Variants in PCDHA2 observed in about 807,000 individuals in gnomAD.
The protein encoded by PCDHA2 is protocadherin alpha-2.
Under a neutral mutation model 66.0 loss-of-function variants are expected in PCDHA2, and 58 were observed. The observed-to-expected ratio is 0.88, with a 90% CI of 0.71 to 1.09. PCDHA2 has a LOEUF of 1.09. PCDHA2 is among the 50% of genes least tolerant of loss of function. The pLI is 0.00. For missense variants in PCDHA2, 1,267 were observed against 1,242.3 expected (o/e 1.02, Z -0.30); for synonymous variants, 634 against 554.0 (o/e 1.14, Z -2.03).
chr5:140,808,466 G>A, intron 1 of PCDHA2: 1 of 1,614,182 alleles, frequency 6.2e-7, no homozygotes. Context: ...GGTGGTGACC[G>A]CGCGAGACGG....
chr5:141,009,942 C>T lies in PCDHA2; in HGVS notation c.*5C>T, dbSNP rs782819309. The T allele has an allele frequency of 6.3e-7, 1 of 1,597,438 alleles. No individual in the cohort carries two copies. The highest frequency in any genetic ancestry group is 1.1e-5 in the South Asian group (1 of 87,840). ...ACTGACAACAGTGACCAGTGAGGTCCTCAAATGGAAACAAGCCACTTAGCC... is the reference window on the plus strand; with the variant it reads ...ACTGACAACAGTGACCAGTGAGGTCTTCAAATGGAAACAAGCCACTTAGCC... On this transcript the variant is annotated 3_prime_UTR_variant, in exon 4 of 4. Coordinates refer to ENST00000526136, the MANE Select transcript of PCDHA2 (RefSeq NM_018905.3).
At chr5:140,836,800 A>C (rs1774751613) in intron 1 of PCDHA2, 1 of 1,349,242 alleles carries the variant, frequency 7.4e-7, no homozygotes, top group Non-Finnish European at 1.0e-6. Flanking sequence ...TGGTCTCCTT[A>C]AATTTTCTTT....
At chr5:140,828,791 G>A (rs2150159012) in intron 1 of PCDHA2, 1 of 1,614,192 alleles carries the variant, frequency 6.2e-7, no homozygotes, top group Non-Finnish European at 8.5e-7. Flanking sequence ...CACAGTGCTG[G>A]ATGTGAATGA....
intron 1 of PCDHA2, chr5:140,829,715 G>T (rs553935345): frequency 6.2e-7 from 1 of 1,613,468 alleles, no homozygotes; most frequent in Admixed American, 1.7e-5. Flanking sequence ...CGACGCGGGC[G>T]TGCCGCCTCT....
chr5:140,833,764 A>ACACACG (rs564524139), intron 1 of PCDHA2, among the ~76,000 whole-genome samples: 1 of 151,920 alleles, frequency 6.6e-6, no homozygotes, highest in African/African-American at 2.4e-5. Flanking sequence ...ACACACACAC[A>ACACACG]CACCGCTTTC....
At chr5:140,909,519 T>C (rs975700982) in intron 1 of PCDHA2, among the ~76,000 whole-genome samples, 4 of 152,214 alleles carry the variant, frequency 2.6e-5, no homozygotes, top group Non-Finnish European at 4.4e-5. Context: ...TCACAACCCC[T>C]GCACATTTTG....
chr5:140,795,327 G>T lies in PCDHA2; in HGVS notation c.363G>T (p.Val121=). The T allele has an allele frequency of 1.2e-6, 2 of 1,614,238 alleles. No homozygotes were observed. The highest frequency in any genetic ancestry group is 1.7e-6 in the Non-Finnish European group (2 of 1,180,044). ...CGCTGCAGGTTTTCCATGTGGAAGT[G>T]GAGGTGAAGGACATTAACGACAACC... is the stretch of plus-strand genomic sequence containing the variant. ...DRPLQVFHVE[V]EVKDINDNPP... is the part of the protein sequence containing the mutation. The change falls in exon 1 of 4, where the codon GTG becomes GTT. Residue 121 remains valine (V), a synonymous_variant. Transcript: ENST00000526136.
At chr5:140,803,450 G>A (rs781829474) in intron 1 of PCDHA2, 5 of 1,613,852 alleles carry the variant, frequency 3.1e-6, no homozygotes, top group Non-Finnish European at 4.2e-6. Context: ...GGTCATACTC[G>A]CAGCAGAGGC....
chr5:140,877,674 G>C, intron 1 of PCDHA2: 2 of 1,613,630 alleles, frequency 1.2e-6, no homozygotes, highest in East Asian at 4.5e-5. Context: ...GGTGCGCGCC[G>C]GGCAAGCCCA....
chr5:140,877,668 C>A (rs782433528), intron 1 of PCDHA2: 58 of 1,613,452 alleles, frequency 3.6e-5, no homozygotes, highest in Admixed American at 5.0e-5. Flanking sequence ...TGAGCCGGTG[C>A]GCGCCGGGCA....
At chr5:140,848,380 T>A in intron 1 of PCDHA2, 1 of 1,186,720 alleles carries the variant, frequency 8.4e-7, no homozygotes, top group Non-Finnish European at 1.2e-6. Context: ...CAATTCTTTT[T>A]CACTCTCTCT....
intron 1 of PCDHA2, chr5:140,884,038 G>A (rs1554181095): frequency 6.2e-7 from 1 of 1,613,432 alleles, no homozygotes; most frequent in South Asian, 1.1e-5. Context: ...CAGGCCACGT[G>A]GTGGCGAAGG....
intron 1 of PCDHA2, among the ~76,000 whole-genome samples, chr5:140,972,660 ATT>A (rs11350929): frequency 0.036 from 4,256 of 117,216 alleles, 192 homozygotes; most frequent in African/African-American, 0.13. Context: ...AAGAAACCAA[ATT>A]TTTTTTTTTT....
chr5:140,841,209 T>A (rs1777094069), intron 1 of PCDHA2: 4 of 1,385,024 alleles, frequency 2.9e-6, no homozygotes, highest in Non-Finnish European at 3.9e-6. Context: ...AGCATCTGTC[T>A]CTAAAGGCCG....
intron 1 of PCDHA2, chr5:140,882,915 A>T: frequency 6.2e-7 from 1 of 1,614,228 alleles, no homozygotes; most frequent in Non-Finnish European, 8.5e-7. Context: ...ACAGCCAGTG[A>T]TGGAGGTAAA....
At chr5:140,834,986 C>G (rs2150229667) in intron 1 of PCDHA2, 1 of 1,457,962 alleles carries the variant, frequency 6.9e-7, no homozygotes, top group Admixed American at 2.1e-5. Flanking sequence ...AACTTTTAGA[C>G]AGAGAAGAAA....
chr5:140,841,713 C>T, intron 1 of PCDHA2: 1 of 1,613,888 alleles, frequency 6.2e-7, no homozygotes, highest in Non-Finnish European at 8.5e-7. Context: ...GACAACCCGC[C>T]AGTGTTCCGG....
chr5:140,797,467 C>G (rs782707263), intron 1 of PCDHA2, 115 bp downstream of exon 1: 1 of 1,245,234 alleles, frequency 8.0e-7, no homozygotes, highest in African/African-American at 1.5e-5. Context: ...ATCATCCTAC[C>G]GTGCGATTTT....
intron 3 of PCDHA2, among the ~76,000 whole-genome samples, chr5:141,003,371 G>A (rs782012251): frequency 2.0e-5 from 3 of 152,148 alleles, no homozygotes; most frequent in African/African-American, 7.2e-5. Flanking sequence ...GAGTGCAGTG[G>A]TGCAATCTCA....
Sources: allele counts gnomAD v4.1 joint callset (sites outside exome capture counted in the v4.1 genomes callset), GRCh38; gene constraint gnomAD v4.1.1; transcripts MANE v1.5; gene names NCBI Gene and HGNC (gene_info 2026-07-23, HGNC 2026-07-21).